Variants in ZFHX3 observed in about 807,000 individuals in gnomAD.
The protein encoded by ZFHX3 is zinc finger homeobox protein 3.
Under a neutral mutation model 279.1 loss-of-function variants are expected in ZFHX3, and 42 were observed. The observed-to-expected ratio is 0.15, with a 90% CI of 0.12 to 0.19. ZFHX3 has a LOEUF of 0.19. Among genes scored for constraint, ZFHX3 ranks in the 10% least tolerant of loss-of-function variants. The pLI is 1.00. For missense variants in ZFHX3, 4,981 were observed against 4,754.0 expected (o/e 1.05, Z -1.40); for synonymous variants, 2,293 against 1,957.8 (o/e 1.17, Z -4.52).
chr16:73,509,791 G>T (rs978614627), intron 2 of ZFHX3, among the ~76,000 whole-genome samples: 3 of 151,294 alleles, frequency 2.0e-5, no homozygotes, highest in African/African-American at 7.3e-5. Context: ...CACCCCCGGG[G>T]TTCAAGCAAT....
intron 2 of ZFHX3, among the ~76,000 whole-genome samples, chr16:73,592,461 T>C (rs189564666): frequency 9.8e-4 from 149 of 152,264 alleles, no homozygotes; most frequent in Non-Finnish European, 1.6e-3. Flanking sequence ...TTTACTTTTA[T>C]ATATATTTAT....
chr16:73,682,827 G>GGA lies in ZFHX3; in HGVS notation c.-1607-2589_-1607-2588dup, dbSNP rs747347596. On this transcript the variant is annotated intron_variant, in intron 1 of 17. Transcript: ENST00000641206. ...AAGAAAGAAAGAGAGAAAGAGAAAA[G>GGA]GAGAGAGAGAGAGAAAAAAAGAAAG... Among the ~76,000 whole-genome samples, 102 of 130,476 alleles carry GGA rather than the reference G, an allele frequency of 7.8e-4. 1 individual carries two copies. The East Asian group carries it at 0.022, about 28-fold the overall frequency. 85.6% of individuals were successfully genotyped at this position (130,476 alleles called of 152,430 possible).
chr16:73,775,837 G>T (rs1463420691), intron 1 of ZFHX3, among the ~76,000 whole-genome samples: 1 of 152,136 alleles, frequency 6.6e-6, no homozygotes, highest in Non-Finnish European at 1.5e-5. Flanking sequence ...GGGGCCCCCA[G>T]TAGAACCCTG....
chr16:73,769,799 T>C (rs1250786271), intron 1 of ZFHX3, among the ~76,000 whole-genome samples: 1 of 152,154 alleles, frequency 6.6e-6, no homozygotes, highest in African/African-American at 2.4e-5. Flanking sequence ...AATCCTAGGG[T>C]TATTACCCAT....
At chr16:72,838,899 A>ATT (rs779346777) in intron 4 of ZFHX3, among the ~76,000 whole-genome samples, 3 of 146,196 alleles carry the variant, frequency 2.1e-5, no homozygotes, top group African/African-American at 7.5e-5. Context: ...TCACAGGAAG[A>ATT]TTTTTTTTTT....
At chr16:73,586,380 C>G (rs61586946) in intron 2 of ZFHX3, among the ~76,000 whole-genome samples, 2,223 of 144,140 alleles carry the variant, frequency 0.015, 57 homozygotes, top group African/African-American at 0.052. Context: ...CACAGCAAGA[C>G]TCTATCTCAA....
At chr16:73,228,387 G>T (rs1346989947) in intron 5 of ZFHX3, among the ~76,000 whole-genome samples, 1 of 152,180 alleles carries the variant, frequency 6.6e-6, no homozygotes, top group African/African-American at 2.4e-5. Flanking sequence ...CCAAGGCCAG[G>T]CATGGTGGCT....
intron 3 of ZFHX3, among the ~76,000 whole-genome samples, chr16:73,337,894 G>A (rs962541727): frequency 7.0e-6 from 1 of 143,344 alleles, no homozygotes; most frequent in Admixed American, 6.9e-5. Context: ...TCCCTTGGCG[G>A]GGGGGGGGGT....
chr16:73,286,997 AGT>A (rs2143082486), intron 4 of ZFHX3, among the ~76,000 whole-genome samples: 1 of 89,926 alleles, frequency 1.1e-5, no homozygotes, highest in Admixed American at 1.1e-4. Flanking sequence ...TGTGTGGGTC[AGT>A]GTGTGGCTAT....
At chr16:73,315,233 AG>A (rs1475245248) in intron 4 of ZFHX3, among the ~76,000 whole-genome samples, 14 of 150,324 alleles carry the variant, frequency 9.3e-5, no homozygotes, top group Non-Finnish European at 1.9e-4. Context: ...AAAAAAAAAA[AG>A]AAAAAAGAGC....
chr16:73,577,790 C>T (rs185694869), intron 2 of ZFHX3, among the ~76,000 whole-genome samples: 278 of 152,288 alleles, frequency 1.8e-3, no homozygotes, highest in Non-Finnish European at 3.1e-3. Context: ...TATGTTCCGC[C>T]ATAGTTTTAT....
intron 3 of ZFHX3, among the ~76,000 whole-genome samples, chr16:73,438,779 T>A: frequency 6.6e-6 from 1 of 152,234 alleles, no homozygotes; most frequent in East Asian, 1.9e-4. Context: ...AATTTGAGAA[T>A]AAAATGTGTG....
intron 1 of ZFHX3, among the ~76,000 whole-genome samples, chr16:73,866,786 T>G (rs966739419): frequency 6.6e-6 from 1 of 151,248 alleles, no homozygotes; most frequent in Non-Finnish European, 1.5e-5. Context: ...CGTGAAGGAG[T>G]AGGAAAAGGG....
chr16:73,378,936 G>T (rs1043356033), intron 3 of ZFHX3, among the ~76,000 whole-genome samples: 2 of 151,964 alleles, frequency 1.3e-5, no homozygotes, highest in Non-Finnish European at 2.9e-5. Flanking sequence ...TTGTCCTTTT[G>T]GGGGCACTTG....
At position 73,218,658 on chromosome 16, in the gene ZFHX3, A is replaced by T. The variant is rs546328413; in HGVS notation, c.-1104+38389T>A. 2.0e-5 allele frequency among the ~76,000 whole-genome samples: 3 copies of T among 152,232 alleles called. No homozygotes were observed. The South Asian group carries it at 6.2e-4, about 32-fold the overall frequency. ...GTGGTGTGCACCTGTAGTCCCAGCT[A>T]CTCAGGAGGCTGAGGCAGTAGAATT... On this transcript the variant is annotated intron_variant, in intron 5 of 17. Coordinates refer to the ZFHX3 transcript ENST00000641206.
At chr16:73,373,460 G>C (rs913526649) in intron 3 of ZFHX3, among the ~76,000 whole-genome samples, 8 of 152,298 alleles carry the variant, frequency 5.3e-5, no homozygotes, top group Middle Eastern at 3.4e-3. Context: ...GTCCATGAGA[G>C]ATTCCTTCAG....
chr16:73,674,494 A>T (rs1597059487), intron 2 of ZFHX3, among the ~76,000 whole-genome samples: 1 of 152,366 alleles, frequency 6.6e-6, no homozygotes, highest in South Asian at 2.1e-4. Flanking sequence ...AGTCAAGAAT[A>T]GACAACACTC....
In ZFHX3 at chr16:72,793,556, A is replaced by G. The variant is rs762388386; in HGVS notation, c.9126T>C (p.His3042=). ...KYSARLSVRD[H]IFSQQHISKV... ...TGGAGATATGCTGTTGGGAAAAGAT[A>G]TGGTCACGTACAGACAGCCGAGCGC... is the stretch of plus-strand genomic sequence containing the variant. The change falls in exon 9 of 10, where the codon CAT becomes CAC. Residue 3042 remains histidine (H), a synonymous_variant. Transcript: ENST00000268489. This position sits in a 1 kb window ranked among gnomAD's most constrained non-coding sequence, Gnocchi z 4.3. The G allele has an allele frequency of 2.5e-6, 4 of 1,614,112 alleles. No homozygotes were observed. The East Asian group carries it at 6.7e-5, about 27-fold the overall frequency.
intron 3 of ZFHX3, among the ~76,000 whole-genome samples, chr16:73,327,020 C>G (rs911173955): frequency 6.6e-6 from 1 of 152,184 alleles, no homozygotes; most frequent in Non-Finnish European, 1.5e-5. Flanking sequence ...CTGAGGAAAC[C>G]GTATCTCAAA....
Sources: allele counts gnomAD v4.1 joint callset (sites outside exome capture counted in the v4.1 genomes callset), GRCh38; gene constraint gnomAD v4.1.1; non-coding constraint Gnocchi (gnomAD v3.1); transcripts MANE v1.5; gene names NCBI Gene and HGNC (gene_info 2026-07-23, HGNC 2026-07-21).